Variants in PTGS2 observed in about 807,000 individuals in gnomAD.
PTGS2 encodes the protein prostaglandin-endoperoxide synthase 2, also known as prostaglandin G/H synthase 2.
PTGS2 carries 14 observed loss-of-function variants against 63.8 expected under a neutral mutation model. That is an observed-to-expected ratio of 0.22 (90% CI 0.14 to 0.34). The LOEUF is 0.34. PTGS2 is among the 10% of genes least tolerant of loss of function. The pLI is 1.00. For missense variants in PTGS2, 533 were observed against 738.5 expected, an observed-to-expected ratio of 0.72 and a Z score of 3.23; for synonymous variants, 271 against 259.5, an observed-to-expected ratio of 1.04 and a Z score of -0.43.
At chr1:186,678,176 G>T in intron 4 of PTGS2, 85 bp downstream of exon 4, 1 of 1,333,372 alleles carries the variant, frequency 7.5e-7, no homozygotes. Flanking sequence ...ATAAATAAAT[G>T]GTAGTCTAAG....
chr1:186,677,198 A>G (rs1180883331), intron 5 of PTGS2, among the ~76,000 whole-genome samples: 3 of 152,124 alleles, frequency 2.0e-5, no homozygotes, highest in African/African-American at 7.2e-5. Flanking sequence ...ATTATAAAAA[A>G]GTATAAAAAT....
At chr1:186,677,454 C>CTG (rs4648272) in intron 5 of PTGS2, among the ~76,000 whole-genome samples, 195 bp downstream of exon 5, 1 of 151,922 alleles carries the variant, frequency 6.6e-6, no homozygotes, top group Non-Finnish European at 1.5e-5. Flanking sequence ...GTGTGCATGT[C>CTG]TGTGTGTGTG....
At chr1:186,676,403 A>G in intron 7 of PTGS2, 64 bp downstream of exon 7, 1 of 1,573,186 alleles carries the variant, frequency 6.4e-7, no homozygotes, top group Non-Finnish European at 8.6e-7. Flanking sequence ...TCAAAACATA[A>G]CAAAGATAGC....
chr1:186,680,113 C>T (rs1665850865), intron 1 of PTGS2, 126 bp downstream of exon 1: 1 of 1,427,244 alleles, frequency 7.0e-7, no homozygotes, highest in Non-Finnish European at 9.6e-7. Context: ...AAGCTCTTTC[C>T]CAAGTCACGT....
intron 4 of PTGS2, 122 bp downstream of exon 4, chr1:186,678,139 T>C (rs767493945): frequency 1.1e-5 from 11 of 1,039,354 alleles, no homozygotes; most frequent in South Asian, 4.5e-5. Flanking sequence ...TAGATAACCA[T>C]GCTAAAAGTA....
Position 186,674,618 on chromosome 1 carries a change from A to G in PTGS2, c.1550T>C (p.Leu517Ser), listed in dbSNP as rs771571521. Residue 517 changes from leucine to serine, a missense_variant, in exon 10 of 10, where the codon TTG (leucine) becomes TCG (serine). This residue lies in a region of PTGS2 where 219 missense variants were observed against 267.4 expected (regional missense o/e 0.82). Transcript: ENST00000367468. ...TMVEVGAPFS[L>S]KGLMGNVICS... ...TATAACATTACCCATAAGTCCTTTCAAGGAGAATGGTGCTCCAACTTCTAC... is the reference window on the plus strand; with the variant it reads ...TATAACATTACCCATAAGTCCTTTCGAGGAGAATGGTGCTCCAACTTCTAC... 1 of 1,614,218 alleles carries G rather than the reference A, an allele frequency of 6.2e-7. No individual in the cohort carries two copies. Among genetic ancestry groups the G allele is most frequent in the Non-Finnish European group, 8.5e-7 (1 of 1,180,046 alleles).
Position 186,676,560 on chromosome 1 carries a change from G to A in PTGS2, c.877C>T (p.Arg293Trp), listed in dbSNP as rs776721278. 6.2e-7 allele frequency: 1 copy of A among 1,614,028 alleles called. No individual in the cohort carries two copies. The highest frequency in any genetic ancestry group is 8.5e-7 in the Non-Finnish European group (1 of 1,179,998). The change falls in exon 7 of 10, where the codon CGG becomes TGG. Residue 293 changes from arginine to tryptophan, a missense_variant. Arg to Trp is a moderately radical substitution (Grantham distance 101). This residue lies in a region of PTGS2 where 67 missense variants were observed against 152.6 expected (regional missense o/e 0.44). Transcript: ENST00000367468. ...ACATCGCATACTCTGTTGTGTTCCC[G>A]CAGCCAGATTGTGGCATACATCATC... is the stretch of plus-strand genomic sequence containing the variant. ...GLMMYATIWLREHNRVCDVLK... is the reference protein window; with the variant it reads ...GLMMYATIWLWEHNRVCDVLK...
Position 186,674,268 on chromosome 1 carries a change from C to T in PTGS2, c.*85G>A, listed in dbSNP as rs200232733. ...TTCTGTTACAGAAGATGTTAAGTAA[C>T]ATAAGGAGTTTAATATAAATATTAT... On this transcript the variant is annotated 3_prime_UTR_variant, in exon 10 of 10. Coordinates refer to ENST00000367468, the MANE Select transcript of PTGS2 (RefSeq NM_000963.4). 8 of 885,890 alleles carry T rather than the reference C, an allele frequency of 9.0e-6. No homozygotes were observed. Among genetic ancestry groups the T allele is most frequent in the African/African-American group, 1.8e-5 (1 of 56,988 alleles). The allele number at this position is 885,890 out of a possible 1,614,324, so 54.9% of individuals were successfully genotyped here. A position where few individuals can be genotyped will look rare whatever the true frequency, so the allele number is the denominator to read the frequency against.
Position 186,680,248 on chromosome 1 carries a change from T to C in PTGS2, c.43A>G (p.Ser15Gly), listed in dbSNP as rs1293553620. 6.5e-7 allele frequency: 1 copy of C among 1,548,716 alleles called. No individual in the cohort carries two copies. Among genetic ancestry groups the C allele is most frequent in the South Asian group, 1.2e-5 (1 of 83,882 alleles). Residue 15 changes from serine to glycine, a missense_variant, in exon 1 of 10, where the codon AGC (serine) becomes GGC (glycine). By Grantham distance (56) the Ser-to-Gly change is moderately conservative. Transcript: ENST00000367468. The stretch of plus-strand genomic sequence containing the variant: ...GGCGCCAGGTACTCACCTGTATGGC[T>C]GAGCGCCAGGACCGCGCACAGCAGC... Reference protein sequence around the residue: ...ALLLCAVLALSHTANPCCSHP... With the variant: ...ALLLCAVLALGHTANPCCSHP...
intron 3 of PTGS2, 54 bp downstream of exon 3, chr1:186,679,004 A>G (rs943056295): frequency 1.9e-6 from 3 of 1,555,590 alleles, no homozygotes; most frequent in Non-Finnish European, 2.6e-6. Context: ...CAGTATTATA[A>G]AGCATATTTT....
intron 1 of PTGS2, 27 bp downstream of exon 1, chr1:186,680,212 C>T (rs201925320): frequency 9.7e-6 from 15 of 1,549,156 alleles, no homozygotes; most frequent in Non-Finnish European, 1.2e-5. Context: ...GAACCGGAGT[C>T]CCCGGTGCGC....
intron 4 of PTGS2, 60 bp downstream of exon 4, chr1:186,678,201 T>C: frequency 6.8e-7 from 1 of 1,470,336 alleles, no homozygotes; most frequent in East Asian, 2.4e-5. Context: ...ATTTTTTTTT[T>C]TGGCAGCAAT....
rs759289241 is a variant in PTGS2, at chr1:186,679,150, A to C, written c.221T>G (p.Val74Gly). The C allele has an allele frequency of 3.7e-6, 6 of 1,614,024 alleles. No individual in the cohort carries two copies. Among genetic ancestry groups the C allele is most frequent in the Non-Finnish European group, 5.1e-6 (6 of 1,179,964 alleles). Reference sequence around the variant, plus strand: ...CTTGAAGTGGGTAAGTATGTAGTGCACTGTGTTTGGAGTGGGTTTCAGAAA... The same window carrying C: ...CTTGAAGTGGGTAAGTATGTAGTGCCCTGTGTTTGGAGTGGGTTTCAGAAA... ...KLFLKPTPNTVHYILTHFKGF... is the reference protein window; with the variant it reads ...KLFLKPTPNTGHYILTHFKGF... Residue 74 changes from valine to glycine, a missense_variant, in exon 3 of 10, where the codon GTG becomes GGG. Transcript: ENST00000367468.
rs201348126 is a variant in PTGS2, at chr1:186,671,974, A to G, written c.*2379T>C. ...GTTTTGTCAGCAGATCAATGTTAAT[A>G]ACAAATCAAGTTTTTTTTTTAAAAA... On this transcript the variant is annotated 3_prime_UTR_variant, in exon 10 of 10. Coordinates refer to ENST00000367468, the MANE Select transcript of PTGS2 (RefSeq NM_000963.4). 8.2e-5 allele frequency: 12 copies of G among 145,986 alleles called. No homozygotes were observed. Among genetic ancestry groups the G allele is most frequent in the Admixed American group, 6.7e-4 (10 of 14,950 alleles). The allele number at this position is 145,986 out of a possible 1,614,324, so 9.0% of individuals were successfully genotyped here. A position where few individuals can be genotyped will look rare whatever the true frequency, so the allele number is the denominator to read the frequency against.
At position 186,672,236 on chromosome 1, in the gene PTGS2, T is replaced by C. The variant is rs1190778026; in HGVS notation, c.*2117A>G. On this transcript the variant is annotated 3_prime_UTR_variant, in exon 10 of 10. Transcript: ENST00000367468. ...ACAGTGCTTGACACAGAATATTTTC[T>C]CAATAAATTGTGGCTGAACAAATTA... 4 of 152,134 alleles carry C rather than the reference T, an allele frequency of 2.6e-5. No individual in the cohort carries two copies. Among genetic ancestry groups the C allele is most frequent in the Admixed American group, 2.6e-4 (4 of 15,270 alleles). The allele number at this position is 152,134 out of a possible 1,614,324, so 9.4% of individuals were successfully genotyped here.
chr1:186,677,577 C>A, intron 5 of PTGS2, 72 bp downstream of exon 5: 1 of 1,374,238 alleles, frequency 7.3e-7, no homozygotes, highest in Admixed American at 2.5e-5. Context: ...ATCTGTATAT[C>A]TCCTTTAATG....
rs1665780883 is a variant in PTGS2 at position 186,676,356 on chromosome 1, ATG to A, written c.970+109_970+110del. ...TGCTTACATATTTAATGTATATAGA[ATG>A]TGTGAGTTTTCATTTACCACATCTT... On this transcript the variant is annotated intron_variant, in intron 7 of 9. Transcript: ENST00000367468. 2.1e-6 allele frequency: 3 copies of A among 1,438,394 alleles called. No individual in the cohort carries two copies. In the African/African-American group the frequency reaches 4.3e-5, roughly 20 times the overall value. 89.1% of individuals were successfully genotyped at this position (1,438,394 alleles called of 1,614,324 possible).
In PTGS2 at chr1:186,680,253, G is replaced by T; in HGVS notation, c.38C>A (p.Ala13Glu). Residue 13 changes from alanine (A) to glutamate (E), a missense_variant, in exon 1 of 10, where the codon GCG becomes GAG. Ala to Glu is a moderately radical substitution (Grantham distance 107). Around this residue, in one of 5 missense-constraint regions of PTGS2, gnomAD observed 118 missense variants for 144.6 expected, o/e 0.82. Coordinates refer to ENST00000367468, the MANE Select transcript of PTGS2 (RefSeq NM_000963.4). ...ARALLLCAVL[A>E]LSHTANPCCS... ...CAGGTACTCACCTGTATGGCTGAGCGCCAGGACCGCGCACAGCAGCAGGGC... is the reference window on the plus strand; with the variant it reads ...CAGGTACTCACCTGTATGGCTGAGCTCCAGGACCGCGCACAGCAGCAGGGC... 1 of 1,547,692 alleles carries T rather than the reference G, an allele frequency of 6.5e-7. No individual in the cohort carries two copies. The highest frequency in any genetic ancestry group is 8.7e-7 in the Non-Finnish European group (1 of 1,145,730).
Position 186,679,441 on chromosome 1 carries a change from G to A in PTGS2, c.53-3C>T. On this transcript the variant is annotated splice_region_variant and splice_polypyrimidine_tract_variant and intron_variant, in intron 1 of 9. Coordinates refer to ENST00000367468, the MANE Select transcript of PTGS2 (RefSeq NM_000963.4). ...TGGGTGGGAACAGCAAGGATTTGCT[G>A]CAATTAAAGGACAGCAAATAAATCA... 1 of 1,598,564 alleles carries A rather than the reference G, an allele frequency of 6.3e-7. No individual in the cohort carries two copies. Among genetic ancestry groups the A allele is most frequent in the Non-Finnish European group, 8.6e-7 (1 of 1,166,272 alleles).
Sources: gnomAD v4.1 joint callset for allele counts (sites outside exome capture counted in the v4.1 genomes callset) on GRCh38, gnomAD v4.1.1 for gene constraint, gnomAD v4.1.1 regional missense constraint, MANE v1.5 for transcripts, NCBI Gene and HGNC (gene_info 2026-07-23, HGNC 2026-07-21) for gene names.